FAT3: variants seen among roughly 807,000 people sequenced by gnomAD.
The protein encoded by FAT3 is protocadherin Fat 3.
A neutral mutation model predicts 310.2 loss-of-function variants in FAT3; 95 were observed. The observed-to-expected ratio is 0.31, with a 90% CI of 0.26 to 0.36. The LOEUF (loss-of-function observed/expected upper bound fraction) is 0.36. Ranked by LOEUF, FAT3 falls within the 10% of genes least tolerant of loss-of-function variation. The pLI is 1.00. For missense variants in FAT3, 5,408 were observed against 5,715.6 expected, an observed-to-expected ratio of 0.95 and a Z score of 1.74; for synonymous variants, 2,314 against 2,192.9, an observed-to-expected ratio of 1.06 and a Z score of -1.54.
chr11:92,412,727 A>G (rs1291882285), intron 2 of FAT3, among the ~76,000 whole-genome samples: 1 of 43,622 alleles, frequency 2.3e-5, no homozygotes, highest in Non-Finnish European at 5.1e-5. Flanking sequence ...ATATATATAT[A>G]TATATATATA....
Position 92,412,744 on chromosome 11 carries a change from T to C in FAT3, c.3292+57340T>C, listed in dbSNP as rs868008375. 2.1e-3 allele frequency among the ~76,000 whole-genome samples: 69 copies of C among 32,686 alleles called. 1 individual carries two copies. Among genetic ancestry groups the C allele is most frequent in the Admixed American group, 3.3e-3 (9 of 2,740 alleles). The allele number at this position is 32,686 out of a possible 152,430, so 21.4% of individuals were successfully genotyped here. A position where few individuals can be genotyped will look rare whatever the true frequency, so the allele number is the denominator to read the frequency against. On this transcript the variant is annotated intron_variant, in intron 2 of 27. Coordinates refer to ENST00000525166, the MANE Select transcript of FAT3 (RefSeq NM_001367949.2). ...ATATATATATATATATATATATATA[T>C]AAATATACATACATATATATATATT...
rs759565999 is a variant in FAT3, at chr11:92,801,822, G to C, written c.8809G>C (p.Asp2937His). 6.2e-7 allele frequency: 1 copy of C among 1,613,870 alleles called. No homozygotes were observed. Among genetic ancestry groups the C allele is most frequent in the Admixed American group, 1.7e-5 (1 of 60,016 alleles). Residue 2937 changes from aspartate to histidine, a missense_variant, in exon 10 of 28, where the codon GAC becomes CAC. Asp to His is a moderately conservative substitution (Grantham distance 81). Around this residue, in one of 5 missense-constraint regions of FAT3, gnomAD observed 4,588 missense variants for 4,809.8 expected, o/e 0.95. Transcript: ENST00000525166. Reference protein sequence around the residue: ...EVYRGNVKESDPPGEVVAVLS... With the variant: ...EVYRGNVKESHPPGEVVAVLS... ...GTACCGAGGGAATGTGAAGGAGAGC[G>C]ACCCACCGGGCGAGGTGGTAGCCGT... is the stretch of plus-strand genomic sequence containing the variant.
chr11:92,588,026 G>C (rs1939238798), intron 3 of FAT3, among the ~76,000 whole-genome samples: 1 of 151,948 alleles, frequency 6.6e-6, no homozygotes, highest in African/African-American at 2.4e-5. Context: ...ACTTCTCTGA[G>C]TCTTCTAAAG....
At chr11:92,361,605 C>A (rs925548620) in intron 2 of FAT3, among the ~76,000 whole-genome samples, 4 of 152,130 alleles carry the variant, frequency 2.6e-5, no homozygotes, top group African/African-American at 9.7e-5. Flanking sequence ...TTGGACTTCC[C>A]AGCTTCTAGA....
At chr11:92,277,275 T>C (rs987474010) in intron 1 of FAT3, among the ~76,000 whole-genome samples, 7 of 152,134 alleles carry the variant, frequency 4.6e-5, no homozygotes, top group African/African-American at 1.7e-4. Context: ...GTTATTGCTT[T>C]ATTTTTAGAG....
chr11:92,730,960 A>T (rs1455253086), intron 4 of FAT3, among the ~76,000 whole-genome samples: 1 of 152,120 alleles, frequency 6.6e-6, no homozygotes, highest in East Asian at 1.9e-4. Context: ...ATGATAGCTG[A>T]CCCTTCATTA....
At chr11:92,596,739 TATCATA>T (rs1939727842) in intron 3 of FAT3, among the ~76,000 whole-genome samples, 2 of 152,332 alleles carry the variant, frequency 1.3e-5, no homozygotes, top group East Asian at 1.9e-4. Context: ...AGACACCGTC[TATCATA>T]GTACCACCAA....
At chr11:92,499,177 CA>C (rs1436435342) in intron 2 of FAT3, among the ~76,000 whole-genome samples, 10 of 151,926 alleles carry the variant, frequency 6.6e-5, no homozygotes, top group Non-Finnish European at 1.3e-4. Flanking sequence ...GTAGGTATGT[CA>C]AAAGGGAAGA....
intron 2 of FAT3, among the ~76,000 whole-genome samples, chr11:92,509,139 T>C (rs560755643): frequency 6.6e-6 from 1 of 152,306 alleles, no homozygotes; most frequent in East Asian, 1.9e-4. Context: ...TGTTAATTTA[T>C]GAAATCAGTT....
chr11:92,455,791 T>C (rs1389235271), intron 2 of FAT3, among the ~76,000 whole-genome samples: 1 of 152,198 alleles, frequency 6.6e-6, no homozygotes, highest in Non-Finnish European at 1.5e-5. Flanking sequence ...AAAGCCAGTA[T>C]CTGATGCAAA....
intron 13 of FAT3, among the ~76,000 whole-genome samples, chr11:92,814,002 C>T (rs1357655277): frequency 6.6e-6 from 1 of 152,168 alleles, no homozygotes; most frequent in Non-Finnish European, 1.5e-5. Flanking sequence ...AAAGAGGCTT[C>T]AGGGAGCCTG....
chr11:92,773,996 C>T (rs761026897), intron 6 of FAT3, 45 bp from the exon 7 acceptor site: 1 of 1,604,416 alleles, frequency 6.2e-7, no homozygotes, highest in Admixed American at 1.7e-5. Flanking sequence ...ATGCATGTAA[C>T]AAGTTATCAG....
intron 2 of FAT3, among the ~76,000 whole-genome samples, chr11:92,477,427 TCTTTC>T (rs1410598137): frequency 3.3e-5 from 5 of 152,210 alleles, no homozygotes; most frequent in Non-Finnish European, 7.3e-5. Context: ...ATTGAATATG[TCTTTC>T]CTTTCTTTTT....
intron 3 of FAT3, among the ~76,000 whole-genome samples, chr11:92,679,841 C>CA (rs71064721): frequency 0.034 from 1,953 of 57,040 alleles, 196 homozygotes; most frequent in Middle Eastern, 0.054. Flanking sequence ...GACTCCATCT[C>CA]AAAAAAAAAA....
intron 4 of FAT3, among the ~76,000 whole-genome samples, chr11:92,711,554 G>C (rs1315155663): frequency 6.6e-6 from 1 of 152,178 alleles, no homozygotes; most frequent in Non-Finnish European, 1.5e-5. Flanking sequence ...TAATTTGGCA[G>C]ATTATTTCCA....
chr11:92,515,779 C>T (rs1245133236), intron 2 of FAT3, among the ~76,000 whole-genome samples: 1 of 151,914 alleles, frequency 6.6e-6, no homozygotes, highest in Non-Finnish European at 1.5e-5. Flanking sequence ...TTTATTGTAC[C>T]TGTCAAAATA....
At chr11:92,840,838 C>G (rs1948527166) in intron 18 of FAT3, 79 bp downstream of exon 18, 2 of 1,335,674 alleles carry the variant, frequency 1.5e-6, no homozygotes, top group East Asian at 4.8e-5. Flanking sequence ...GGATTTTTTT[C>G]TTTGCTGAGT....
intron 19 of FAT3, among the ~76,000 whole-genome samples, chr11:92,854,327 G>T (rs938306432): frequency 5.9e-5 from 9 of 152,130 alleles, no homozygotes; most frequent in African/African-American, 2.2e-4. Context: ...ATCCAAGAGT[G>T]CAGGGATGCC....
At position 92,352,691 on chromosome 11, in the gene FAT3, C is replaced by T; in HGVS notation, c.579C>T (p.Phe193=). Residue 193 remains phenylalanine, a synonymous_variant, in exon 2 of 28, where the codon TTC becomes TTT. Coordinates refer to ENST00000525166, the MANE Select transcript of FAT3 (RefSeq NM_001367949.2). Reference sequence around the variant, plus strand: ...CAGATATTGGTTCCAATGGAGAATTCTACTACTACTTTAAAAATAAAGTTG... The same window carrying T: ...CAGATATTGGTTCCAATGGAGAATTTTACTACTACTTTAAAAATAAAGTTG... The part of the protein sequence containing the change: ...TDADIGSNGE[F]YYYFKNKVDL... The T allele has an allele frequency of 6.2e-7, 1 of 1,613,780 alleles. No homozygotes were observed. Among genetic ancestry groups the T allele is most frequent in the Non-Finnish European group, 8.5e-7 (1 of 1,179,860 alleles).
Sources: allele counts gnomAD v4.1 joint callset (sites outside exome capture counted in the v4.1 genomes callset), GRCh38; gene constraint gnomAD v4.1.1; regional missense constraint gnomAD v4.1.1; transcripts MANE v1.5; gene names NCBI Gene and HGNC (gene_info 2026-07-23, HGNC 2026-07-21).